The following KCNH7 variants were observed in gnomAD, a reference collection of about 807,000 sequenced individuals.
KCNH7 encodes potassium voltage-gated channel subfamily H member 7, also known as voltage-gated inwardly rectifying potassium channel KCNH7.
Under a neutral mutation model 120.8 loss-of-function variants are expected in KCNH7, and 49 were observed. The ratio of observed to expected loss-of-function variants is 0.41; its 90% CI spans 0.32 to 0.51. KCNH7 has a LOEUF of 0.51. KCNH7 is among the 20% of genes least tolerant of loss of function. The probability of loss-of-function intolerance (pLI) is 0.38; values close to 1 mark genes in which losing one functional copy is unlikely to be tolerated. For synonymous variants in KCNH7, 547 were observed against 516.1 expected (o/e 1.06, Z -0.81); for missense variants, 1,097 against 1,446.6 (o/e 0.76, Z 3.92).
chr2:162,681,070 C>A (rs12622109), intron 2 of KCNH7, among the ~76,000 whole-genome samples: 25,740 of 151,376 alleles, frequency 0.17, 2,536 homozygotes, highest in East Asian at 0.46. Context: ...TCTCTATGGC[C>A]TAGGATTATG....
At chr2:162,685,184 C>T (rs570986470) in intron 2 of KCNH7, among the ~76,000 whole-genome samples, 62 of 145,578 alleles carry the variant, frequency 4.3e-4, no homozygotes, top group African/African-American at 1.4e-3. Context: ...CATCACACAC[C>T]GGGGCCTGTT....
chr2:162,639,471 T>C (rs1444835710), intron 2 of KCNH7, among the ~76,000 whole-genome samples: 1 of 152,102 alleles, frequency 6.6e-6, no homozygotes, highest in Non-Finnish European at 1.5e-5. Flanking sequence ...TGAGGAATCA[T>C]AGCTAGTCCT....
At chr2:162,374,294 C>T (rs1015654257) in intron 14 of KCNH7, among the ~76,000 whole-genome samples, 1 of 152,136 alleles carries the variant, frequency 6.6e-6, no homozygotes, top group Admixed American at 6.6e-5. Context: ...CTTCTAATGA[C>T]CCATCTGGCC....
At chr2:162,378,543 C>T (rs772087111) in intron 14 of KCNH7, among the ~76,000 whole-genome samples, 24 of 152,174 alleles carry the variant, frequency 1.6e-4, no homozygotes, top group Non-Finnish European at 3.4e-4. Context: ...AAGCAAGCAG[C>T]TTGTTAAACA....
chr2:162,612,903 T>C (rs1683017106), intron 2 of KCNH7, among the ~76,000 whole-genome samples: 3 of 151,982 alleles, frequency 2.0e-5, no homozygotes, highest in Admixed American at 1.3e-4. Context: ...ACTAATAAAT[T>C]ACTAATATGT....
intron 2 of KCNH7, among the ~76,000 whole-genome samples, chr2:162,789,923 C>T (rs1683860160): frequency 1.3e-5 from 2 of 151,546 alleles, no homozygotes; most frequent in Non-Finnish European, 3.0e-5. Context: ...TAACTTTACA[C>T]CTTAAGGAAC....
chr2:162,506,742 A>G (rs1317491988), intron 5 of KCNH7, among the ~76,000 whole-genome samples: 2 of 151,820 alleles, frequency 1.3e-5, no homozygotes, highest in Admixed American at 1.3e-4. Flanking sequence ...AGACAGAAAG[A>G]CACTGTTAAT....
At position 162,816,546 on chromosome 2, in the gene KCNH7, T is replaced by G. The variant is rs182252293; in HGVS notation, c.307+19991A>C. ...AAAAATAATGCCCCTAATCAAAACT[T>G]GATACATCACCTCCTAATATAGGAA... On this transcript the variant is annotated intron_variant, in intron 2 of 15. Coordinates refer to ENST00000332142, the MANE Select transcript of KCNH7 (RefSeq NM_033272.4). Among the ~76,000 whole-genome samples the G allele has an allele frequency of 2.0e-5, 3 of 152,278 alleles. No homozygotes were observed. The East Asian group carries it at 5.8e-4, about 29-fold the overall frequency.
chr2:162,457,707 G>A (rs1182392653), intron 6 of KCNH7, among the ~76,000 whole-genome samples: 1 of 152,178 alleles, frequency 6.6e-6, no homozygotes, highest in Non-Finnish European at 1.5e-5. Context: ...TGAGGTGTTG[G>A]TTGAAGCTGC....
At chr2:162,711,592 T>A (rs1221192370) in intron 2 of KCNH7, among the ~76,000 whole-genome samples, 1 of 152,222 alleles carries the variant, frequency 6.6e-6, no homozygotes, top group Non-Finnish European at 1.5e-5. Flanking sequence ...TGAGCTATTG[T>A]GTGCCCGTTC....
chr2:162,548,811 T>C (rs1032064266), intron 2 of KCNH7, among the ~76,000 whole-genome samples: 2 of 152,174 alleles, frequency 1.3e-5, no homozygotes, highest in African/African-American at 4.8e-5. Flanking sequence ...CTTTATGGAG[T>C]TACTGTGATG....
intron 2 of KCNH7, among the ~76,000 whole-genome samples, chr2:162,564,176 TC>T (rs1161925160): frequency 6.6e-6 from 1 of 152,156 alleles, no homozygotes; most frequent in African/African-American, 2.4e-5. Flanking sequence ...ATCCTGTTTT[TC>T]CATCTCTATT....
intron 2 of KCNH7, among the ~76,000 whole-genome samples, chr2:162,776,262 G>T (rs753822995): frequency 6.6e-6 from 1 of 152,232 alleles, no homozygotes; most frequent in African/African-American, 2.4e-5. Flanking sequence ...CTTCATGTAA[G>T]TATTACATGT....
At chr2:162,809,077 G>A (rs368606785) in intron 2 of KCNH7, among the ~76,000 whole-genome samples, 1 of 152,242 alleles carries the variant, frequency 6.6e-6, no homozygotes, top group African/African-American at 2.4e-5. Flanking sequence ...TTTAGATGGA[G>A]TCATTTTCAA....
intron 2 of KCNH7, among the ~76,000 whole-genome samples, chr2:162,807,443 C>A (rs1483993957): frequency 6.6e-6 from 1 of 151,386 alleles, no homozygotes; most frequent in Admixed American, 6.6e-5. Flanking sequence ...TCTCAAAAAA[C>A]AAGAAAACAA....
chr2:162,588,826 T>C (rs1694108865), intron 2 of KCNH7, among the ~76,000 whole-genome samples: 1 of 152,064 alleles, frequency 6.6e-6, no homozygotes, highest in Non-Finnish European at 1.5e-5. Flanking sequence ...TAGAAGGTGT[T>C]CCTCCTATCT....
intron 2 of KCNH7, among the ~76,000 whole-genome samples, chr2:162,589,912 T>G (rs1210586411): frequency 6.6e-6 from 1 of 152,118 alleles, no homozygotes; most frequent in African/African-American, 2.4e-5. Flanking sequence ...AGTTATGTTC[T>G]TGTTAAAGTC....
At chr2:162,471,095 G>T (rs1689508578) in intron 6 of KCNH7, among the ~76,000 whole-genome samples, 1 of 152,092 alleles carries the variant, frequency 6.6e-6, no homozygotes. Flanking sequence ...AGTACCCAGG[G>T]ACACAAACAC....
chr2:162,628,490 T>G (rs531604425), intron 2 of KCNH7, among the ~76,000 whole-genome samples: 1 of 152,236 alleles, frequency 6.6e-6, no homozygotes, highest in African/African-American at 2.4e-5. Context: ...GTTTGTTACA[T>G]AGGTAAACTT....
Sources: gnomAD v4.1 joint callset for allele counts (sites outside exome capture counted in the v4.1 genomes callset) on GRCh38, gnomAD v4.1.1 for gene constraint, MANE v1.5 for transcripts, NCBI Gene and HGNC (gene_info 2026-07-23, HGNC 2026-07-21) for gene names.